AEBP2: variants seen among roughly 807,000 people sequenced by gnomAD.
The protein encoded by AEBP2 is AE binding protein 2.
Under a neutral mutation model 50.8 loss-of-function variants are expected in AEBP2, and 10 were observed. The observed-to-expected ratio is 0.20, with a 90% CI of 0.12 to 0.33. The LOEUF (loss-of-function observed/expected upper bound fraction) is 0.33, where lower values mean the gene tolerates loss of function less well. Among genes scored for constraint, AEBP2 ranks in the 10% least tolerant of loss-of-function variants. AEBP2 has a pLI of 1.00. For missense variants in AEBP2, 570 were observed against 688.0 expected, an observed-to-expected ratio of 0.83 and a Z score of 1.92; for synonymous variants, 296 against 261.3, an observed-to-expected ratio of 1.13 and a Z score of -1.28.
rs1348672398 is a variant in AEBP2, at chr12:19,468,590, A to G, written c.880-4658A>G. Among the ~76,000 whole-genome samples, 7 of 152,276 alleles carry G rather than the reference A, an allele frequency of 4.6e-5. No individual in the cohort carries two copies. In the East Asian group the frequency reaches 1.3e-3, roughly 29 times the overall value. On this transcript the variant is annotated intron_variant, in intron 2 of 7. Transcript: ENST00000266508. Reference sequence around the variant, plus strand: ...TCTTCAGGTGCATAGATGTTTGTGCATTTATCTATATTATCATACAAGCCA... The same window carrying G: ...TCTTCAGGTGCATAGATGTTTGTGCGTTTATCTATATTATCATACAAGCCA...
rs574660274 is a variant in AEBP2, at chr12:19,490,244, C to A, written c.988-3556C>A. 7.2e-5 allele frequency among the ~76,000 whole-genome samples: 11 copies of A among 152,210 alleles called. 1 individual carries two copies. In the Middle Eastern group the frequency reaches 0.014, roughly 188 times the overall value. ...GGGACAAAATGACTCTTAAGACTTA[C>A]AACATTTCTCAATTCAGACTAGCCA... On this transcript the variant is annotated intron_variant, in intron 3 of 7. Transcript: ENST00000266508.
At chr12:19,404,341 G>T (rs1341325434) in intron 1 of AEBP2, 3 of 152,294 alleles carry the variant, frequency 2.0e-5, no homozygotes, top group Non-Finnish European at 4.4e-5. Context: ...GCTGGGTAGG[G>T]TTAAGGCCTT....
chr12:19,431,894 A>G (rs898443920), intron 1 of AEBP2, among the ~76,000 whole-genome samples: 2 of 152,222 alleles, frequency 1.3e-5, no homozygotes, highest in African/African-American at 2.4e-5. Flanking sequence ...ACCTAAATAA[A>G]GGAGCCTAAA....
intron 3 of AEBP2, among the ~76,000 whole-genome samples, chr12:19,475,035 C>G (rs1343914890): frequency 6.6e-6 from 1 of 152,162 alleles, no homozygotes; most frequent in Non-Finnish European, 1.5e-5. Context: ...TCGTGATCTG[C>G]CCACCTTGGC....
intron 3 of AEBP2, among the ~76,000 whole-genome samples, chr12:19,475,748 A>C (rs1003046848): frequency 2.6e-5 from 4 of 152,170 alleles, no homozygotes; most frequent in African/African-American, 9.7e-5. Context: ...ATCCATGCCA[A>C]CATCTGTTGT....
intron 1 of AEBP2, chr12:19,413,147 C>T (rs2095740377): frequency 2.7e-6 from 2 of 728,102 alleles, no homozygotes; most frequent in South Asian, 1.4e-5. Flanking sequence ...CAAGTTTAGC[C>T]GACAGGATCC....
At chr12:19,465,926 G>A (rs1237837535) in intron 2 of AEBP2, among the ~76,000 whole-genome samples, 1 of 151,374 alleles carries the variant, frequency 6.6e-6, no homozygotes, top group Non-Finnish European at 1.5e-5. Context: ...TGAGTAGCTG[G>A]GATTACAAGT....
At chr12:19,460,429 A>G (rs1318871077) in intron 1 of AEBP2, among the ~76,000 whole-genome samples, 1 of 150,990 alleles carries the variant, frequency 6.6e-6, no homozygotes. Flanking sequence ...GCAACCTCCT[A>G]CTGCAACCTC....
At chr12:19,461,313 A>C (rs559233432) in intron 1 of AEBP2, among the ~76,000 whole-genome samples, 2 of 152,200 alleles carry the variant, frequency 1.3e-5, no homozygotes, top group African/African-American at 4.8e-5. Context: ...AAAAGAAAAT[A>C]AGTGAATTGC....
At chr12:19,468,879 T>C (rs1175896203) in intron 2 of AEBP2, among the ~76,000 whole-genome samples, 1 of 152,234 alleles carries the variant, frequency 6.6e-6, no homozygotes, top group Non-Finnish European at 1.5e-5. Flanking sequence ...TTTAGACATC[T>C]ACATCTTACA....
chr12:19,480,193 C>T (rs560193054), intron 3 of AEBP2, among the ~76,000 whole-genome samples: 40 of 152,246 alleles, frequency 2.6e-4, no homozygotes, highest in Admixed American at 7.8e-4. Flanking sequence ...ACCTCAGCCT[C>T]TTGGGTTCAA....
intron 1 of AEBP2, among the ~76,000 whole-genome samples, chr12:19,430,912 A>T (rs1010953682): frequency 1.3e-5 from 2 of 151,362 alleles, no homozygotes; most frequent in Non-Finnish European, 2.9e-5. Context: ...AGTTACAGCT[A>T]CTCAGGAGGC....
intron 3 of AEBP2, among the ~76,000 whole-genome samples, chr12:19,481,092 CT>C (rs71067027): frequency 1.5e-3 from 111 of 74,038 alleles, no homozygotes; most frequent in African/African-American, 5.7e-3. Flanking sequence ...GCAGTGCATC[CT>C]TTTTTTTTTT....
In AEBP2 at chr12:19,519,266, A is replaced by G. The variant is rs930565802; in HGVS notation, c.*1149A>G. ...TTGAAATGTACTGTAGATGTTTTCT[A>G]GAGGCATGAAAGTTAAATGTATATA... On this transcript the variant is annotated 3_prime_UTR_variant, in exon 8 of 8. Transcript: ENST00000266508. 6.6e-6 allele frequency: 1 copy of G among 152,608 alleles called. No individual in the cohort carries two copies. The highest frequency in any genetic ancestry group is 1.5e-5 in the Non-Finnish European group (1 of 67,996). The allele number at this position is 152,608 out of a possible 1,614,324, so 9.5% of individuals were successfully genotyped here.
rs1949376340 is a variant in AEBP2 at position 19,520,073 on chromosome 12, G to A, written c.*1956G>A. On this transcript the variant is annotated 3_prime_UTR_variant, in exon 8 of 8. Transcript: ENST00000266508. ...TTTTGTTCTTTTTAAAATTTGATTT[G>A]TTATAAAATTGCCAAATAGAAGTGT... 1 of 152,412 alleles carries A rather than the reference G, an allele frequency of 6.6e-6. No homozygotes were observed. Among genetic ancestry groups the A allele is most frequent in the Admixed American group, 6.6e-5 (1 of 15,258 alleles). The allele number at this position is 152,412 out of a possible 1,614,324, so 9.4% of individuals were successfully genotyped here.
At chr12:19,445,064 T>C (rs1165772299) in intron 1 of AEBP2, among the ~76,000 whole-genome samples, 1 of 152,056 alleles carries the variant, frequency 6.6e-6, no homozygotes, top group Non-Finnish European at 1.5e-5. Flanking sequence ...CTCTTGTCTA[T>C]GAAAGGGGGA....
rs917406266 is a variant in AEBP2, at chr12:19,478,240, T to C, written c.987+4885T>C. ...CTGGGTTTGGGTTTTGTTTGTTCTT[T>C]CTTGTTTCTCTAGTTCCTTGAGGTA... On this transcript the variant is annotated intron_variant, in intron 3 of 7. Coordinates refer to ENST00000266508, the MANE Select transcript of AEBP2 (RefSeq NM_153207.5). 3.0e-4 allele frequency among the ~76,000 whole-genome samples: 45 copies of C among 152,212 alleles called. 1 individual carries two copies. The highest frequency in any genetic ancestry group is 1.3e-4 in the Non-Finnish European group (9 of 68,048).
intron 3 of AEBP2, among the ~76,000 whole-genome samples, chr12:19,482,912 T>G (rs117673942): frequency 6.6e-6 from 1 of 152,108 alleles, no homozygotes; most frequent in African/African-American, 2.4e-5. Flanking sequence ...TCAGCTCCCA[T>G]GCAGTGGGTG....
chr12:19,436,224 A>T (rs779179777), upstream of AEBP2, among the ~76,000 whole-genome samples: 2 of 152,210 alleles, frequency 1.3e-5, no homozygotes, highest in Non-Finnish European at 2.9e-5. Flanking sequence ...CAGTGCCTTG[A>T]CAGTTTACAA....
Sources: allele counts gnomAD v4.1 joint callset (sites outside exome capture counted in the v4.1 genomes callset), GRCh38; gene constraint gnomAD v4.1.1; transcripts MANE v1.5; gene names NCBI Gene and HGNC (gene_info 2026-07-23, HGNC 2026-07-21).